The following SEMA3C variants were observed in gnomAD, a reference collection of about 807,000 sequenced individuals.
SEMA3C encodes the protein semaphorin-3C.
In SEMA3C, 47 loss-of-function variants were observed where a neutral mutation model predicts 89.4. The observed-to-expected ratio is 0.53, with a 90% CI of 0.42 to 0.67. The LOEUF (loss-of-function observed/expected upper bound fraction) is 0.67. Among genes scored for constraint, SEMA3C ranks in the 30% least tolerant of loss-of-function variants. SEMA3C has a pLI of 0.00. For missense variants in SEMA3C, 839 were observed against 929.1 expected (o/e 0.90, Z 1.26); for synonymous variants, 310 against 320.2 (o/e 0.97, Z 0.34).
At chr7:80,902,486 A>C (rs1791905574) in intron 2 of SEMA3C, among the ~76,000 whole-genome samples, 1 of 152,194 alleles carries the variant, frequency 6.6e-6, no homozygotes, top group African/African-American at 2.4e-5. Context: ...TGCATATTAA[A>C]ACAAAGTTAA....
At chr7:80,753,906 TTTTA>T (rs1787994573) in intron 15 of SEMA3C, among the ~76,000 whole-genome samples, 1 of 151,072 alleles carries the variant, frequency 6.6e-6, no homozygotes, top group South Asian at 2.1e-4. Context: ...AAAAAAATGC[TTTTA>T]TTGTTTACTA....
At chr7:80,842,823 A>G (rs1018674599) in intron 2 of SEMA3C, among the ~76,000 whole-genome samples, 1 of 152,156 alleles carries the variant, frequency 6.6e-6, no homozygotes, top group African/African-American at 2.4e-5. Flanking sequence ...AGAGCAAATA[A>G]ACAGGGTTCT....
rs1231879057 is a variant in SEMA3C at position 80,853,968 on chromosome 7, AAGG to A, written c.104-25226_104-25224del. Among the ~76,000 whole-genome samples, 7 of 152,222 alleles carry A rather than the reference AAGG, an allele frequency of 4.6e-5. No individual in the cohort carries two copies. The South Asian group carries it at 1.0e-3, about 23-fold the overall frequency. ...ATATTAAAAATAAAAAAAATGTAAA[AAGG>A]AGATTCATTTTGGACATCATTTCAC... On this transcript the variant is annotated intron_variant, in intron 2 of 17. Coordinates refer to ENST00000265361, the MANE Select transcript of SEMA3C (RefSeq NM_006379.5).
intron 2 of SEMA3C, among the ~76,000 whole-genome samples, chr7:80,856,948 T>C (rs1378098956): frequency 6.6e-6 from 1 of 152,132 alleles, no homozygotes; most frequent in African/African-American, 2.4e-5. Flanking sequence ...GTTCTCAGGA[T>C]TAACCTTGAA....
intron 2 of SEMA3C, among the ~76,000 whole-genome samples, chr7:80,912,907 T>C (rs769292902): frequency 9.2e-5 from 14 of 152,216 alleles, no homozygotes; most frequent in Non-Finnish European, 5.9e-5. Flanking sequence ...TTCAGTTTAT[T>C]GTCCAATAAC....
chr7:80,913,492 T>G (rs1043685486), intron 2 of SEMA3C, among the ~76,000 whole-genome samples: 7 of 152,222 alleles, frequency 4.6e-5, no homozygotes, highest in African/African-American at 1.7e-4. Context: ...CACACTCAGT[T>G]TTCTGTTTTT....
At position 80,765,136 on chromosome 7, in the gene SEMA3C, A is replaced by G; in HGVS notation, c.1443+19T>C. 6.4e-7 allele frequency: 1 copy of G among 1,568,950 alleles called. No individual in the cohort carries two copies. The highest frequency in any genetic ancestry group is 8.8e-7 in the Non-Finnish European group (1 of 1,141,780). On this transcript the variant is annotated intron_variant, in intron 13 of 17. Transcript: ENST00000265361. ...ACTCATCATGCATGTTCTGAGATTAATAGAAGAGATGTTCAAACCTTAAAG... is the reference window on the plus strand; with the variant it reads ...ACTCATCATGCATGTTCTGAGATTAGTAGAAGAGATGTTCAAACCTTAAAG...
intron 2 of SEMA3C, among the ~76,000 whole-genome samples, chr7:80,902,085 T>A (rs1241872806): frequency 2.0e-5 from 3 of 152,186 alleles, no homozygotes; most frequent in Non-Finnish European, 4.4e-5. Flanking sequence ...CCTGAGTAGT[T>A]GGGACTACAG....
In SEMA3C at chr7:80,827,313, T is replaced by G. The variant is rs113011721; in HGVS notation, c.327+112A>C. ...GTTTTTAGCCTGTGTCCAGCAAAAATTTAAAACACCACCATCCTTGTCTCA... is the reference window on the plus strand; with the variant it reads ...GTTTTTAGCCTGTGTCCAGCAAAAAGTTAAAACACCACCATCCTTGTCTCA... On this transcript the variant is annotated intron_variant, in intron 4 of 17. Transcript: ENST00000265361. 1.4e-3 allele frequency: 1,610 copies of G among 1,180,120 alleles called. 17 individuals carry two copies. In the African/African-American group the frequency reaches 0.022, roughly 16 times the overall value. The allele number at this position is 1,180,120 out of a possible 1,614,324, so 73.1% of individuals were successfully genotyped here. A position where few individuals can be genotyped will look rare whatever the true frequency, so the allele number is the denominator to read the frequency against.
chr7:80,887,236 C>A (rs1791504799), intron 2 of SEMA3C, among the ~76,000 whole-genome samples: 1 of 152,104 alleles, frequency 6.6e-6, no homozygotes, highest in Non-Finnish European at 1.5e-5. Context: ...TATTAAATAT[C>A]TAAACAGATT....
intron 2 of SEMA3C, among the ~76,000 whole-genome samples, chr7:80,862,650 A>T (rs889634007): frequency 1.3e-5 from 2 of 152,192 alleles, no homozygotes; most frequent in Non-Finnish European, 2.9e-5. Flanking sequence ...AGACTAAGCA[A>T]AAAGAACAAA....
At chr7:80,864,585 C>T (rs1375494922) in intron 2 of SEMA3C, among the ~76,000 whole-genome samples, 12 of 151,582 alleles carry the variant, frequency 7.9e-5, no homozygotes, top group Non-Finnish European at 1.8e-4. Flanking sequence ...TAAAGAAAAA[C>T]AAAAGCCCCT....
At chr7:80,922,033 T>C (rs528348078), upstream of SEMA3C, among the ~76,000 whole-genome samples, 2 of 152,302 alleles carry the variant, frequency 1.3e-5, no homozygotes, top group Admixed American at 6.5e-5. Context: ...AATTGTCTTA[T>C]TATTTAGTCA....
At chr7:80,861,120 G>A (rs987749186) in intron 2 of SEMA3C, among the ~76,000 whole-genome samples, 1 of 151,832 alleles carries the variant, frequency 6.6e-6, no homozygotes, top group Non-Finnish European at 1.5e-5. Context: ...AGCACTACAG[G>A]GCAGACTTTC....
chr7:80,821,676 G>C (rs888582533), intron 4 of SEMA3C, among the ~76,000 whole-genome samples: 3 of 151,246 alleles, frequency 2.0e-5, no homozygotes, highest in African/African-American at 7.3e-5. Flanking sequence ...TAACTTTTTA[G>C]TTTTTGTAAC....
At chr7:80,884,367 C>T (rs1032298639) in intron 2 of SEMA3C, among the ~76,000 whole-genome samples, 1 of 152,180 alleles carries the variant, frequency 6.6e-6, no homozygotes, top group Non-Finnish European at 1.5e-5. Context: ...CTTTTAACTA[C>T]ATTGTCTCTT....
At chr7:80,917,170 A>T (rs1182190037) in intron 1 of SEMA3C, among the ~76,000 whole-genome samples, 1 of 152,172 alleles carries the variant, frequency 6.6e-6, no homozygotes, top group Non-Finnish European at 1.5e-5. Flanking sequence ...CTTGAATAGA[A>T]TTGAGCTAAA....
At chr7:80,749,086 A>G in intron 16 of SEMA3C, 58 bp from the exon 17 acceptor site, 1 of 1,513,006 alleles carries the variant, frequency 6.6e-7, no homozygotes, top group Non-Finnish European at 8.9e-7. Context: ...AATTTAGAGC[A>G]CATTCTCCTG....
chr7:80,777,036 T>C (rs954610585), intron 12 of SEMA3C, among the ~76,000 whole-genome samples: 1 of 152,202 alleles, frequency 6.6e-6, no homozygotes, highest in African/African-American at 2.4e-5. Flanking sequence ...TATGTCTCTA[T>C]TGAATGCTTA....
Sources: gnomAD v4.1 joint callset for allele counts (sites outside exome capture counted in the v4.1 genomes callset) on GRCh38, gnomAD v4.1.1 for gene constraint, MANE v1.5 for transcripts, NCBI Gene and HGNC (gene_info 2026-07-23, HGNC 2026-07-21) for gene names.